FRMPD4: variants seen among roughly 807,000 people sequenced by gnomAD.
FRMPD4 encodes the protein FERM and PDZ domain-containing protein 4.
Under a neutral mutation model 94.1 loss-of-function variants are expected in FRMPD4, and 22 were observed. That is an observed-to-expected ratio of 0.23 (90% CI 0.17 to 0.33). The LOEUF (loss-of-function observed/expected upper bound fraction) is 0.33, where lower values mean the gene tolerates loss of function less well. FRMPD4 is among the 10% of genes least tolerant of loss of function. The pLI is 1.00. For synonymous variants in FRMPD4, 631 were observed against 548.6 expected (o/e 1.15, Z -2.10); for missense variants, 1,111 against 1,339.9 (o/e 0.83, Z 2.67).
At chrX:12,647,175 T>A (rs1399064017) in intron 4 of FRMPD4, among the ~76,000 whole-genome samples, 3 of 112,176 alleles carry the variant, frequency 2.7e-5, no homozygotes, top group Non-Finnish European at 5.6e-5. Flanking sequence ...GACTAATTGA[T>A]CTTAGTTTTG....
At chrX:11,921,484 G>A (rs898747989) in intron 3 of FRMPD4, among the ~76,000 whole-genome samples, 2 of 111,012 alleles carry the variant, frequency 1.8e-5, no homozygotes, top group East Asian at 2.9e-4. Flanking sequence ...ATGCATTTGT[G>A]GGGGGACATG....
At chrX:12,640,889 AG>A (rs944682534) in intron 4 of FRMPD4, among the ~76,000 whole-genome samples, 1 of 111,611 alleles carries the variant, frequency 9.0e-6, no homozygotes, top group African/African-American at 3.3e-5. Context: ...GACCATTAAA[AG>A]GTGGGATTGA....
At chrX:12,114,241 A>G (rs1450042731) in intron 3 of FRMPD4, among the ~76,000 whole-genome samples, 2 of 111,271 alleles carry the variant, frequency 1.8e-5, no homozygotes, top group Admixed American at 1.9e-4. Context: ...CTCATTTTCT[A>G]GAATATTCAT....
chrX:12,378,855 T>A (rs1166448137), intron 1 of FRMPD4, among the ~76,000 whole-genome samples: 4 of 112,047 alleles, frequency 3.6e-5, no homozygotes, highest in African/African-American at 1.3e-4. Context: ...GGAGTGTTTT[T>A]AGTGAGAATC....
chrX:12,719,389 G>A (rs916529321), intron 16 of FRMPD4, among the ~76,000 whole-genome samples: 2 of 112,214 alleles, frequency 1.8e-5, no homozygotes, highest in African/African-American at 6.5e-5. Flanking sequence ...ATAATAAAGT[G>A]TAAACACACG....
intron 2 of FRMPD4, among the ~76,000 whole-genome samples, chrX:12,538,020 C>T (rs2148301639): frequency 9.0e-6 from 1 of 111,132 alleles, no homozygotes; most frequent in South Asian, 3.9e-4. Flanking sequence ...AGTGCCAAAG[C>T]AGGTCGAGGC....
At chrX:12,298,029 C>T (rs1426674763) in intron 1 of FRMPD4, among the ~76,000 whole-genome samples, 2 of 111,649 alleles carry the variant, frequency 1.8e-5, no homozygotes, top group African/African-American at 3.3e-5. Flanking sequence ...GCCATAGGAT[C>T]CTGAACTTTC....
chrX:12,397,690 C>G (rs1055013194), intron 1 of FRMPD4, among the ~76,000 whole-genome samples: 1 of 111,211 alleles, frequency 9.0e-6, no homozygotes. Flanking sequence ...CCTCTCGCCT[C>G]CCTCTTCTTT....
At chrX:12,652,312 A>G (rs957160342) in intron 4 of FRMPD4, among the ~76,000 whole-genome samples, 1 of 112,589 alleles carries the variant, frequency 8.9e-6, no homozygotes, top group Non-Finnish European at 1.9e-5. Context: ...TTCATAACAA[A>G]TAATCAAGAT....
intron 1 of FRMPD4, among the ~76,000 whole-genome samples, chrX:12,379,852 C>T (rs2056296122): frequency 9.0e-6 from 1 of 111,319 alleles, no homozygotes; most frequent in African/African-American, 3.3e-5. Flanking sequence ...ACTTGAGAAA[C>T]AATGCTGGTG....
intron 2 of FRMPD4, among the ~76,000 whole-genome samples, chrX:12,558,766 T>C: frequency 9.0e-6 from 1 of 111,665 alleles, no homozygotes; most frequent in African/African-American, 3.3e-5. Flanking sequence ...AACCTCCAGC[T>C]GGGCAGGCCT....
chrX:12,678,817 C>G (rs758455119), intron 5 of FRMPD4, among the ~76,000 whole-genome samples: 1 of 112,271 alleles, frequency 8.9e-6, no homozygotes, highest in Non-Finnish European at 1.9e-5. Context: ...AAGAGTGAAA[C>G]TCTGTCTCAA....
chrX:12,427,897 C>CTTTTTTTCTTTTTTTTT (rs2056965319), intron 1 of FRMPD4, among the ~76,000 whole-genome samples: 1 of 54,771 alleles, frequency 1.8e-5, no homozygotes, highest in Non-Finnish European at 3.1e-5. Context: ...CCTTTTTTCT[C>CTTTTTTTCTTTTTTTTT]TTTTTTTTTT....
intron 1 of FRMPD4, among the ~76,000 whole-genome samples, chrX:12,285,750 T>C (rs1206067958): frequency 5.3e-5 from 6 of 112,216 alleles, no homozygotes; most frequent in African/African-American, 1.9e-4. Context: ...TGAAGCATTT[T>C]CCTCTGACAT....
intron 4 of FRMPD4, among the ~76,000 whole-genome samples, chrX:12,673,881 G>A (rs1029786859): frequency 8.9e-6 from 1 of 111,969 alleles, no homozygotes; most frequent in African/African-American, 3.3e-5. Flanking sequence ...TGAGTGGGCC[G>A]AGCCACAAAT....
chrX:11,986,269 T>G (rs1384918807), intron 3 of FRMPD4, among the ~76,000 whole-genome samples: 1 of 112,260 alleles, frequency 8.9e-6, no homozygotes, highest in Non-Finnish European at 1.9e-5. Context: ...ATCCAAAGAA[T>G]TCTCCCAGAT....
In FRMPD4 at chrX:11,841,115, A is replaced by T. The variant is rs779600677; in HGVS notation, c.-161+18400A>T. Among the ~76,000 whole-genome samples the T allele has an allele frequency of 4.5e-3, 490 of 109,674 alleles. 4 individuals are homozygous for T. Among genetic ancestry groups the T allele is most frequent in the African/African-American group, 0.016 (473 of 30,024 alleles). ...GGCTGCATAGTATTCCATGGTGTAT[A>T]TGTGCCACATTTTCTTAATCCAGTC... On this transcript the variant is annotated intron_variant, in intron 1 of 18. Transcript: ENST00000640291.
intron 1 of FRMPD4, among the ~76,000 whole-genome samples, chrX:12,462,858 T>C (rs2057404580): frequency 9.0e-6 from 1 of 110,905 alleles, no homozygotes; most frequent in African/African-American, 3.3e-5. Context: ...TGCATGATGG[T>C]GTGCACCTGT....
intron 3 of FRMPD4, among the ~76,000 whole-genome samples, chrX:12,015,557 C>G (rs2054600990): frequency 8.9e-6 from 1 of 112,050 alleles, no homozygotes; most frequent in Admixed American, 9.5e-5. Flanking sequence ...TTTATTCTAT[C>G]TAAAATAATC....
Sources: gnomAD v4.1 joint callset for allele counts (sites outside exome capture counted in the v4.1 genomes callset) on GRCh38, gnomAD v4.1.1 for gene constraint, MANE v1.5 for transcripts, NCBI Gene and HGNC (gene_info 2026-07-23, HGNC 2026-07-21) for gene names.